Variants in LACTBL1 observed in about 807,000 individuals in gnomAD.
LACTBL1 encodes lactamase beta like 1.
In LACTBL1, 29 loss-of-function variants were observed where a neutral mutation model predicts 39.6. That is an observed-to-expected ratio of 0.73 (90% confidence interval 0.55 to 1.00). The LOEUF (loss-of-function observed/expected upper bound fraction) is 1.00, where lower values mean the gene tolerates loss of function less well. Among genes scored for constraint, LACTBL1 ranks in the 50% least tolerant of loss-of-function variants. The pLI is 0.00. For missense variants in LACTBL1, 711 were observed against 748.5 expected, an observed-to-expected ratio of 0.95 and a Z score of 0.59; for synonymous variants, 361 against 360.7, an observed-to-expected ratio of 1.00 and a Z score of -0.01.
the LACTBL1 span, among the ~76,000 whole-genome samples, chr1:22,970,645 A>C: frequency 6.6e-6 from 1 of 151,958 alleles, no homozygotes; most frequent in Non-Finnish European, 1.5e-5. Context: ...CTGCCTGTAC[A>C]AAAAAATAGA....
chr1:22,970,446 G>A, the LACTBL1 span, among the ~76,000 whole-genome samples: 1 of 152,188 alleles, frequency 6.6e-6, no homozygotes, highest in African/African-American at 2.4e-5. Context: ...TCTGGAGGTA[G>A]GGATGAGGTA....
intron 4 of LACTBL1, among the ~76,000 whole-genome samples, chr1:22,957,037 A>ACACAATAC: frequency 6.6e-6 from 1 of 152,120 alleles, no homozygotes; most frequent in Non-Finnish European, 1.5e-5. Context: ...TGTGTTATAT[A>ACACAATAC]ATATGTACAT....
intron 2 of LACTBL1, among the ~76,000 whole-genome samples, chr1:22,962,081 T>C (rs530626770): frequency 6.6e-6 from 1 of 152,276 alleles, no homozygotes; most frequent in South Asian, 2.1e-4. Context: ...TCTCCTTCTC[T>C]ATAGATAGGG....
upstream of LACTBL1, among the ~76,000 whole-genome samples, chr1:22,968,951 C>CA (rs1239904097): frequency 1.3e-5 from 2 of 152,076 alleles, no homozygotes; most frequent in Admixed American, 1.3e-4. Flanking sequence ...TCAGTTTTTG[C>CA]ATTTTTTGTA....
chr1:22,969,008 G>A (rs757655189), upstream of LACTBL1, among the ~76,000 whole-genome samples: 1 of 152,124 alleles, frequency 6.6e-6, no homozygotes, highest in African/African-American at 2.4e-5. Flanking sequence ...AAACTCCTGG[G>A]CTCAAGCAAT....
intron 4 of LACTBL1, among the ~76,000 whole-genome samples, chr1:22,958,100 C>T (rs1298503401): frequency 6.6e-6 from 1 of 152,082 alleles, no homozygotes; most frequent in African/African-American, 2.4e-5. Flanking sequence ...GAATTGTTTA[C>T]AAATATAAAC....
At chr1:22,953,563 G>A (rs1640730416) in exon 6 of LACTBL1, 1 of 1,249,844 alleles carries the variant, frequency 8.0e-7, no homozygotes, top group Admixed American at 4.2e-5. Flanking sequence ...GGGCACCAGC[G>A]AGAAGGTGGC....
At chr1:22,968,024 G>A (rs1473563081), upstream of LACTBL1, among the ~76,000 whole-genome samples, 1 of 152,004 alleles carries the variant, frequency 6.6e-6, no homozygotes, top group Non-Finnish European at 1.5e-5. Context: ...GCTTGATCTT[G>A]GTGTTTATCA....
intron 2 of LACTBL1, among the ~76,000 whole-genome samples, chr1:22,961,153 T>C (rs895663416): frequency 6.6e-6 from 1 of 152,228 alleles, no homozygotes; most frequent in Non-Finnish European, 1.5e-5. Flanking sequence ...TGACATTTAT[T>C]GGACATTTAG....
chr1:22,953,771 G>C (rs894539781), exon 6 of LACTBL1: 2 of 1,494,862 alleles, frequency 1.3e-6, no homozygotes, highest in Non-Finnish European at 1.8e-6. Flanking sequence ...AGCTTGGCCA[G>C]GTCGGCGGCG....
chr1:22,972,779 A>T, the LACTBL1 span: 1 of 759,972 alleles, frequency 1.3e-6, no homozygotes, highest in Non-Finnish European at 1.6e-6. Context: ...TACCCTCTCC[A>T]GAAGGTACCA....
rs908891230 is a variant in LACTBL1, at chr1:22,955,503, C to A, written c.554-77G>T. 26 of 884,390 alleles carry A rather than the reference C, an allele frequency of 2.9e-5. No homozygotes were observed. The South Asian group carries it at 3.7e-4, about 13-fold the overall frequency. The allele number at this position is 884,390 out of a possible 1,614,324, so 54.8% of individuals were successfully genotyped here. ...TGGGCCCCTGGGTGCACTCCCTCCC[C>A]ACCTTCCGTGAGTTGAGAGATAACA... On this transcript the variant is annotated intron_variant, in intron 4 of 5. Coordinates refer to ENST00000426928, the Ensembl canonical transcript of LACTBL1.
At chr1:22,964,406 T>A (rs928167701) in intron 1 of LACTBL1, among the ~76,000 whole-genome samples, 10 of 152,046 alleles carry the variant, frequency 6.6e-5, no homozygotes, top group Admixed American at 3.3e-4. Flanking sequence ...GGGATAGCGG[T>A]CTTGAGAGCA....
rs753768128 is a variant in LACTBL1 at position 22,957,769 on chromosome 1, G to C, written c.553+916C>G. On this transcript the variant is annotated intron_variant, in intron 4 of 5. Coordinates refer to ENST00000426928, the Ensembl canonical transcript of LACTBL1. ...AGGTTCAAGAGATTCTCCTGCCTCA[G>C]CCTCTGGAGTAGCTGGGATTACAGG... 9.7e-4 allele frequency among the ~76,000 whole-genome samples: 140 copies of C among 144,970 alleles called. 1 individual carries two copies. The highest frequency in any genetic ancestry group is 2.4e-3 in the Admixed American group (34 of 14,056).
At chr1:22,969,904 C>T (rs779715351), upstream of LACTBL1, among the ~76,000 whole-genome samples, 2 of 152,140 alleles carry the variant, frequency 1.3e-5, no homozygotes, top group Admixed American at 1.3e-4. Context: ...ACACCTAGTA[C>T]CCCACCTGGC....
chr1:22,954,528 A>G (rs999223518), intron 5 of LACTBL1, among the ~76,000 whole-genome samples: 1 of 152,204 alleles, frequency 6.6e-6, no homozygotes, highest in African/African-American at 2.4e-5. Flanking sequence ...AGGTGCAAGG[A>G]TGTGTGAAAA....
exon 4 of LACTBL1, chr1:22,958,704 C>T: frequency 6.5e-7 from 1 of 1,547,850 alleles, no homozygotes; most frequent in Non-Finnish European, 8.7e-7. Flanking sequence ...GGCTGGCCAT[C>T]CTTCGAAGGG....
intron 4 of LACTBL1, among the ~76,000 whole-genome samples, chr1:22,957,059 A>G (rs1432095484): frequency 6.6e-6 from 1 of 152,132 alleles, no homozygotes; most frequent in African/African-American, 2.4e-5. Flanking sequence ...ACACATATTC[A>G]TATACACATA....
exon 2 of LACTBL1, chr1:22,963,125 C>G: frequency 7.8e-7 from 1 of 1,287,464 alleles, no homozygotes; most frequent in Non-Finnish European, 9.9e-7. Context: ...GGGCCTCCTT[C>G]AACACGGGGA....
Sources: allele counts gnomAD v4.1 joint callset (sites outside exome capture counted in the v4.1 genomes callset), GRCh38; gene constraint gnomAD v4.1.1; transcripts MANE v1.5; gene names NCBI Gene and HGNC (gene_info 2026-07-23, HGNC 2026-07-21).